Variants in GFM2 observed in about 807,000 individuals in gnomAD.
GFM2 encodes the protein GTP dependent ribosome recycling factor mitochondrial 2.
Under a neutral mutation model 95.4 loss-of-function variants are expected in GFM2, and 72 were observed. The observed-to-expected ratio is 0.76, with a 90% CI of 0.62 to 0.92. The LOEUF (loss-of-function observed/expected upper bound fraction) is 0.92, where lower values mean the gene tolerates loss of function less well. Among genes scored for constraint, GFM2 ranks in the 40% least tolerant of loss-of-function variants. GFM2 has a pLI of 0.00. For synonymous variants in GFM2, 276 were observed against 317.5 expected (o/e 0.87, Z 1.39); for missense variants, 825 against 924.1 (o/e 0.89, Z 1.39).
intron 1 of GFM2, among the ~76,000 whole-genome samples, chr5:74,765,863 G>C (rs1379170878): frequency 6.6e-6 from 1 of 152,118 alleles, no homozygotes; most frequent in Non-Finnish European, 1.5e-5. Context: ...GCTGGGTGTG[G>C]TGGCGAGCGC....
At position 74,759,426 on chromosome 5, in the gene GFM2, C is replaced by A; in HGVS notation, c.149G>T (p.Gly50Val). The A allele has an allele frequency of 6.7e-7, 1 of 1,490,034 alleles. No homozygotes were observed. The highest frequency in any genetic ancestry group is 1.2e-5 in the South Asian group (1 of 83,396). The allele number at this position is 1,490,034 out of a possible 1,614,324, so 92.3% of individuals were successfully genotyped here. ...PLGRNCSSLP[G>V]LIGNDIKSLH... ...GGATTTGATATCATTTCCTATTAAG[C>A]CTAATGAAAAGAAAGTTAAAATTGA... The change falls in exon 4 of 21, where the codon GGC (glycine) becomes GTC (valine). Residue 50 changes from glycine (G) to valine (V), a missense_variant and splice_region_variant. Coordinates refer to ENST00000296805, the MANE Select transcript of GFM2 (RefSeq NM_032380.5).
chr5:74,741,487 A>G (rs367972290), intron 11 of GFM2, 42 bp downstream of exon 11: 3 of 927,496 alleles, frequency 3.2e-6, no homozygotes, highest in Non-Finnish European at 5.2e-6. Flanking sequence ...ACTACATCCA[A>G]TTAGTAAAAT....
rs1356998200 is a variant in GFM2, at chr5:74,738,213, T to C, written c.1320+105A>G. 18 of 794,332 alleles carry C rather than the reference T, an allele frequency of 2.3e-5. No individual in the cohort carries two copies. The East Asian group carries it at 3.8e-4, about 17-fold the overall frequency. The allele number at this position is 794,332 out of a possible 1,614,324, so 49.2% of individuals were successfully genotyped here. ...TGCCATAATATTCTTTATTCTACTA[T>C]TGATGGACATTTGGATTGTTTATGG... On this transcript the variant is annotated intron_variant, in intron 14 of 20. Transcript: ENST00000296805.
chr5:74,748,254 A>C (rs1743490462), intron 7 of GFM2, among the ~76,000 whole-genome samples: 1 of 152,242 alleles, frequency 6.6e-6, no homozygotes, highest in South Asian at 2.1e-4. Flanking sequence ...TGTACTATAA[A>C]GCAGCCAGTT....
At chr5:74,760,696 C>T (rs907800745) in intron 3 of GFM2, among the ~76,000 whole-genome samples, 6 of 152,188 alleles carry the variant, frequency 3.9e-5, no homozygotes, top group African/African-American at 9.6e-5. Flanking sequence ...AGTTCATCAG[C>T]GTGTTCCTCA....
At chr5:74,731,826 A>G (rs960259471) in intron 16 of GFM2, among the ~76,000 whole-genome samples, 1 of 152,128 alleles carries the variant, frequency 6.6e-6, no homozygotes. Context: ...CTATTCACCA[A>G]GTTTTCAGTG....
chr5:74,722,695 C>A (rs558329606), intron 19 of GFM2, 134 bp from the exon 20 acceptor site: 5 of 639,782 alleles, frequency 7.8e-6, no homozygotes, highest in Non-Finnish European at 1.3e-5. Flanking sequence ...AAGATGGCAA[C>A]AACTATAATA....
chr5:74,740,225 T>G, intron 11 of GFM2, 88 bp from the exon 12 acceptor site: 3 of 1,074,116 alleles, frequency 2.8e-6, no homozygotes, highest in Non-Finnish European at 4.1e-6. Context: ...TAACCAGCCA[T>G]GTAACCAGCA....
chr5:74,730,165 G>T, intron 17 of GFM2, 95 bp downstream of exon 17: 1 of 1,154,372 alleles, frequency 8.7e-7, no homozygotes, highest in Non-Finnish European at 1.2e-6. Context: ...TCTGATAGAA[G>T]ACATTAGTGA....
chr5:74,726,000 C>T lies in GFM2; in HGVS notation c.1853G>A (p.Gly618Asp), dbSNP rs376500994. ...GGCCTCTTGGGAGACCTTCAAAAGG[C>T]CTTCATTGATACTTTCAGCATACTC... Reference protein sequence around the residue: ...EFEYAESINEGLLKVSQEAIE... With the variant: ...EFEYAESINEDLLKVSQEAIE... Residue 618 changes from glycine to aspartate, a missense_variant, in exon 18 of 21, where the codon GGC becomes GAC. Coordinates refer to ENST00000296805, the MANE Select transcript of GFM2 (RefSeq NM_032380.5). 1.2e-6 allele frequency: 2 copies of T among 1,607,514 alleles called. No homozygotes were observed. Among genetic ancestry groups the T allele is most frequent in the Non-Finnish European group, 1.7e-6 (2 of 1,179,370 alleles).
chr5:74,767,086 T>C lies in GFM2; in HGVS notation c.-173A>G. On this transcript the variant is annotated 5_prime_UTR_variant, in exon 1 of 21. Coordinates refer to ENST00000296805, the MANE Select transcript of GFM2 (RefSeq NM_032380.5). Reference sequence around the variant, plus strand: ...TATCTAAACGAAAAGAAAATAGGCTTTCTCCGCTCTACCGCCTCGGGCAGC... The same window carrying C: ...TATCTAAACGAAAAGAAAATAGGCTCTCTCCGCTCTACCGCCTCGGGCAGC... The C allele has an allele frequency of 2.2e-6, 1 of 447,504 alleles. No homozygotes were observed. 27.7% of individuals were successfully genotyped at this position (447,504 alleles called of 1,614,324 possible).
chr5:74,741,506 A>T, intron 11 of GFM2, 23 bp downstream of exon 11: 1 of 1,142,218 alleles, frequency 8.8e-7, no homozygotes, highest in South Asian at 1.4e-5. Context: ...ATTTTGTGAA[A>T]GCCATTGAAT....
At chr5:74,722,937 A>G (rs929574492) in intron 19 of GFM2, among the ~76,000 whole-genome samples, 3 of 152,188 alleles carry the variant, frequency 2.0e-5, no homozygotes, top group African/African-American at 7.2e-5. Context: ...GAGAGCTTAA[A>G]AAAAAGGAAA....
In GFM2 at chr5:74,765,079, C is replaced by A. The variant is rs1486712214; in HGVS notation, c.-24-1313G>T. 4 of 1,251,968 alleles carry A rather than the reference C, an allele frequency of 3.2e-6. No homozygotes were observed. The Admixed American group carries it at 9.6e-5, about 30-fold the overall frequency. The allele number at this position is 1,251,968 out of a possible 1,614,324, so 77.6% of individuals were successfully genotyped here. A position where few individuals can be genotyped will look rare whatever the true frequency, so the allele number is the denominator to read the frequency against. ...GGGATTACAGGCGTGAGCCACCATG[C>A]CTGGCCTTGAATCCATTCCCTTTTC... On this transcript the variant is annotated intron_variant, in intron 1 of 20. Coordinates refer to ENST00000296805, the MANE Select transcript of GFM2 (RefSeq NM_032380.5).
intron 11 of GFM2, among the ~76,000 whole-genome samples, chr5:74,740,735 CAAAAAT>C (rs978708110): frequency 3.3e-5 from 5 of 152,014 alleles, no homozygotes; most frequent in South Asian, 2.1e-4. Context: ...TTTAAACACT[CAAAAAT>C]AAACAGTTTC....
At chr5:74,729,713 C>T (rs1750324627) in intron 17 of GFM2, among the ~76,000 whole-genome samples, 1 of 149,054 alleles carries the variant, frequency 6.7e-6, no homozygotes. Context: ...TTCCCACAAA[C>T]CTTTCCACAC....
chr5:74,733,338 A>G (rs1283826746), intron 15 of GFM2: 6 of 339,452 alleles, frequency 1.8e-5, no homozygotes, highest in South Asian at 7.3e-5. Flanking sequence ...AAAAAAAGAA[A>G]AAAAAAAAAA....
intron 5 of GFM2, among the ~76,000 whole-genome samples, chr5:74,753,988 A>G (rs1743847112): frequency 6.6e-6 from 1 of 152,108 alleles, no homozygotes; most frequent in Non-Finnish European, 1.5e-5. Flanking sequence ...CCTATAAATA[A>G]AAACCTATCA....
At chr5:74,748,935 A>T (rs1743548643) in intron 7 of GFM2, among the ~76,000 whole-genome samples, 1 of 146,188 alleles carries the variant, frequency 6.8e-6, no homozygotes, top group East Asian at 1.9e-4. Context: ...AATAAAAAAA[A>T]TAAAAAATAA....
Sources: allele counts gnomAD v4.1 joint callset (sites outside exome capture counted in the v4.1 genomes callset), GRCh38; gene constraint gnomAD v4.1.1; transcripts MANE v1.5; gene names NCBI Gene and HGNC (gene_info 2026-07-23, HGNC 2026-07-21).